RBMX: variants seen among roughly 807,000 people sequenced by gnomAD.
RBMX encodes RNA binding motif protein X-linked.
In RBMX, 1 loss-of-function variant was observed where a neutral mutation model predicts 29.3. That is an observed-to-expected ratio of 0.03 (90% CI 0.01 to 0.16). The LOEUF (loss-of-function observed/expected upper bound fraction) is 0.16. Among genes scored for constraint, RBMX ranks in the 10% least tolerant of loss-of-function variants. RBMX has a pLI of 1.00. For synonymous variants in RBMX, 102 were observed against 102.3 expected (o/e 1.00, Z 0.02); for missense variants, 121 against 333.2 (o/e 0.36, Z 4.96).
At chrX:136,877,341 C>A (rs866804475) in intron 4 of RBMX, among the ~76,000 whole-genome samples, 830 of 73,629 alleles carry the variant, frequency 0.011, 45 homozygotes, top group African/African-American at 0.039. Context: ...CCCCCCCCCC[C>A]AAAAAAAAAC....
chrX:136,873,649 C>A lies in RBMX; in HGVS notation c.*493G>T. On this transcript the variant is annotated 3_prime_UTR_variant, in exon 9 of 9. Transcript: ENST00000320676. The stretch of plus-strand genomic sequence containing the variant: ...GTGAATAGCACTTTCCTTACATAGG[C>A]ATGTGATTTCAGGTTTTTCGTACTG... The A allele has an allele frequency of 9.3e-6, 7 of 754,578 alleles. No individual in the cohort carries two copies. The highest frequency in any genetic ancestry group is 1.1e-5 in the Non-Finnish European group (7 of 638,352). The allele number at this position is 754,578 out of a possible 1,213,427, so 62.2% of individuals were successfully genotyped here. A position where few individuals can be genotyped will look rare whatever the true frequency, so the allele number is the denominator to read the frequency against.
chrX:136,878,280 A>C (rs1416109303), intron 3 of RBMX, among the ~76,000 whole-genome samples, 194 bp from the exon 4 acceptor site: 1 of 111,087 alleles, frequency 9.0e-6, no homozygotes, highest in Non-Finnish European at 1.9e-5. Flanking sequence ...TAATACTTAA[A>C]ACCGATACTG....
chrX:136,870,523 G>A (rs1363663709), downstream of RBMX: 1 of 111,863 alleles, frequency 8.9e-6, no homozygotes, highest in Non-Finnish European at 1.9e-5. Context: ...TGCTTTAGCT[G>A]AAAATAAAAG....
chrX:136,878,514 G>A (rs750907982), intron 3 of RBMX, among the ~76,000 whole-genome samples: 1 of 108,700 alleles, frequency 9.2e-6, no homozygotes, highest in African/African-American at 3.3e-5. Context: ...GGGAGGCGGA[G>A]GCAGCTGGAT....
chrX:136,877,146 C>A (rs1923433726), intron 4 of RBMX, among the ~76,000 whole-genome samples: 2 of 109,405 alleles, frequency 1.8e-5, no homozygotes, highest in African/African-American at 3.3e-5. Flanking sequence ...CAAGACCAGT[C>A]TAACACGGTA....
rs765225668 is a variant in RBMX at position 136,877,328 on chromosome X, A to ACCCCC, written c.388+582_388+586dup. The stretch of plus-strand genomic sequence containing the variant: ...GCCTGGGCAACAAGTGCTAAACTCT[A>ACCCCC]CCCCCCCCCCCCCAAAAAAAAACCA... On this transcript the variant is annotated intron_variant, in intron 4 of 8. Coordinates refer to ENST00000320676, the MANE Select transcript of RBMX (RefSeq NM_002139.4). Among the ~76,000 whole-genome samples the ACCCCC allele has an allele frequency of 7.1e-4, 18 of 25,311 alleles. 4 individuals are homozygous for ACCCCC. The highest frequency in any genetic ancestry group is 4.1e-3 in the East Asian group (2 of 491). The allele number at this position is 25,311 out of a possible 115,157, so 22.0% of individuals were successfully genotyped here. A position where few individuals can be genotyped will look rare whatever the true frequency, so the allele number is the denominator to read the frequency against.
chrX:136,874,164 C>T lies in RBMX; in HGVS notation c.1154G>A (p.Gly385Glu). ...GGRGGSRSDR[G>E]GGRSRY ...TTTCTAGTATCTGCTTCTGCCTCCC[C>T]CTCTATCAGATCGGCTTCCTCCACG... The change falls in exon 9 of 9, where the codon GGG (glycine) becomes GAG (glutamate). Residue 385 changes from glycine to glutamate, a missense_variant. Transcript: ENST00000320676. The T allele has an allele frequency of 8.3e-7, 1 of 1,210,339 alleles. No individual in the cohort carries two copies. The highest frequency in any genetic ancestry group is 1.1e-6 in the Non-Finnish European group (1 of 893,945).
intron 4 of RBMX, among the ~76,000 whole-genome samples, chrX:136,877,338 C>G (rs1177584948): frequency 1.2e-5 from 1 of 86,425 alleles, no homozygotes; most frequent in African/African-American, 4.1e-5. Context: ...ACCCCCCCCC[C>G]CCCAAAAAAA....
chrX:136,871,194 C>A, downstream of RBMX, among the ~76,000 whole-genome samples: 1 of 108,687 alleles, frequency 9.2e-6, no homozygotes, highest in Non-Finnish European at 1.9e-5. Flanking sequence ...TGCCTATAAT[C>A]CCAGCACTTT....
intron 3 of RBMX, among the ~76,000 whole-genome samples, chrX:136,878,636 TGGGGGGG>T (rs34229732): frequency 0.031 from 14 of 454 alleles, 6 homozygotes; most frequent in South Asian, 0.67. Context: ...TCCCAGCTAC[TGGGGGGG>T]GGGGGGGGGG....
intron 3 of RBMX, 77 bp downstream of exon 3, chrX:136,878,940 C>T: frequency 5.2e-6 from 6 of 1,164,951 alleles, no homozygotes; most frequent in Non-Finnish European, 5.8e-6. Context: ...AAAAGCTGTC[C>T]TAGACCAGAC....
chrX:136,870,495 A>T (rs1432817003), downstream of RBMX: 1 of 112,756 alleles, frequency 8.9e-6, no homozygotes, highest in Non-Finnish European at 1.9e-5. Context: ...ACTATCATTT[A>T]AATATATACT....
At chrX:136,875,771 TATCTA>T (rs957250495) in intron 5 of RBMX, among the ~76,000 whole-genome samples, 186 bp from the exon 6 acceptor site, 1 of 111,671 alleles carries the variant, frequency 9.0e-6, no homozygotes, top group Non-Finnish European at 1.9e-5. Context: ...TAATTCCATT[TATCTA>T]ATCACCTAGA....
chrX:136,880,372 C>T (rs1022116893), intron 1 of RBMX, among the ~76,000 whole-genome samples: 1 of 112,602 alleles, frequency 8.9e-6, no homozygotes, highest in African/African-American at 3.2e-5. Context: ...CCCCGACCTC[C>T]GCTACCAACT....
downstream of RBMX, chrX:136,872,295 C>A: frequency 8.6e-7 from 1 of 1,165,492 alleles, no homozygotes. Flanking sequence ...CCAGCTTTAT[C>A]TACTGTGAAT....
chrX:136,871,842 A>G (rs1357442502), downstream of RBMX, among the ~76,000 whole-genome samples: 45 of 93,458 alleles, frequency 4.8e-4, no homozygotes, highest in African/African-American at 1.6e-3. Flanking sequence ...TCTAGTACAG[A>G]TGAGGTTTCA....
At chrX:136,880,427 C>T (rs1391938689) in intron 1 of RBMX, among the ~76,000 whole-genome samples, 170 bp downstream of exon 1, 1 of 112,188 alleles carries the variant, frequency 8.9e-6, no homozygotes, top group Non-Finnish European at 1.9e-5. Context: ...TACAACCAAA[C>T]GGGCCCCCTC....
intron 2 of RBMX, 76 bp from the exon 3 acceptor site, chrX:136,879,199 A>G: frequency 8.3e-7 from 1 of 1,205,609 alleles, no homozygotes. Context: ...TGTAAACAGA[A>G]AGCTCAGAAC....
chrX:136,871,409 A>G (rs1327228670), downstream of RBMX, among the ~76,000 whole-genome samples: 16 of 95,816 alleles, frequency 1.7e-4, no homozygotes, highest in African/African-American at 6.1e-4. Flanking sequence ...GCGCCACTGC[A>G]CTCCAGCCTG....
Sources: allele counts gnomAD v4.1 joint callset (sites outside exome capture counted in the v4.1 genomes callset), GRCh38; gene constraint gnomAD v4.1.1; transcripts MANE v1.5; gene names NCBI Gene and HGNC (gene_info 2026-07-23, HGNC 2026-07-21).